LHFPL6: variants seen among roughly 807,000 people sequenced by gnomAD.
The protein encoded by LHFPL6 is LHFPL tetraspan subfamily member 6.
In LHFPL6, 9 loss-of-function variants were observed where a neutral mutation model predicts 20.6. The observed-to-expected ratio is 0.44, with a 90% CI of 0.26 to 0.76. The LOEUF (loss-of-function observed/expected upper bound fraction) is 0.76, where lower values mean the gene tolerates loss of function less well. LHFPL6 is among the 30% of genes least tolerant of loss of function. The probability of loss-of-function intolerance (pLI) is 0.20; values close to 1 mark genes in which losing one functional copy is unlikely to be tolerated. For missense variants in LHFPL6, 218 were observed against 253.5 expected (o/e 0.86, Z 0.95); for synonymous variants, 105 against 98.7 (o/e 1.06, Z -0.38).
chr13:39,367,140 G>A (rs1870034429), intron 3 of LHFPL6, among the ~76,000 whole-genome samples: 2 of 152,190 alleles, frequency 1.3e-5, no homozygotes, highest in South Asian at 2.1e-4. Flanking sequence ...TTTCACAGAT[G>A]TGATTTTGAA....
At chr13:39,434,216 T>C (rs1871893619) in intron 2 of LHFPL6, among the ~76,000 whole-genome samples, 1 of 152,234 alleles carries the variant, frequency 6.6e-6, no homozygotes, top group Admixed American at 6.5e-5. Flanking sequence ...ACATGTTGGG[T>C]ACTATATCAG....
chr13:39,512,604 A>AAAAAAAAAG (rs938837498), intron 2 of LHFPL6, among the ~76,000 whole-genome samples: 2 of 149,214 alleles, frequency 1.3e-5, no homozygotes, highest in African/African-American at 5.0e-5. Context: ...TCCGTCTCAA[A>AAAAAAAAAG]AAAAAAAAAA....
At chr13:39,438,597 T>A (rs1412039125) in intron 2 of LHFPL6, among the ~76,000 whole-genome samples, 1 of 152,222 alleles carries the variant, frequency 6.6e-6, no homozygotes, top group Non-Finnish European at 1.5e-5. Context: ...GCCCCTCCTA[T>A]CACAGGCCCA....
intron 3 of LHFPL6, among the ~76,000 whole-genome samples, chr13:39,364,960 T>C (rs920166428): frequency 4.6e-5 from 7 of 152,208 alleles, no homozygotes; most frequent in Middle Eastern, 3.2e-3. Context: ...GTTGGCTCAA[T>C]GTATAGTGGT....
At chr13:39,398,675 G>A (rs143066248) in intron 2 of LHFPL6, among the ~76,000 whole-genome samples, 26 of 152,292 alleles carry the variant, frequency 1.7e-4, no homozygotes, top group Non-Finnish European at 2.4e-4. Flanking sequence ...GCCACAGACC[G>A]CTACCAGTCC....
chr13:39,365,440 T>C (rs1284394466), intron 3 of LHFPL6, among the ~76,000 whole-genome samples: 1 of 152,168 alleles, frequency 6.6e-6, no homozygotes, highest in Non-Finnish European at 1.5e-5. Flanking sequence ...AGGTTTTCCT[T>C]GATGATCCCT....
chr13:39,400,781 T>TAAA, intron 2 of LHFPL6, among the ~76,000 whole-genome samples: 1 of 1,216 alleles, frequency 8.2e-4, no homozygotes, highest in East Asian at 0.033. Context: ...AGACTCCGTC[T>TAAA]CAAAAAAAAA....
At chr13:39,522,200 A>G (rs1870130028) in intron 2 of LHFPL6, among the ~76,000 whole-genome samples, 1 of 152,216 alleles carries the variant, frequency 6.6e-6, no homozygotes, top group South Asian at 2.1e-4. Context: ...TGCTTAACAA[A>G]TATTAATCCA....
At chr13:39,364,903 A>G (rs1197601702) in intron 3 of LHFPL6, among the ~76,000 whole-genome samples, 1 of 152,100 alleles carries the variant, frequency 6.6e-6, no homozygotes, top group East Asian at 1.9e-4. Flanking sequence ...ATCCATCCTA[A>G]AAGTTTCCTT....
Position 39,488,152 on chromosome 13 carries a change from G to A in LHFPL6, c.386-109626C>T, listed in dbSNP as rs113869718. ...AGAGGCTCCAGGGAGCATATTACCC[G>A]CATGTAAGGGCACAGTGAGAAGGCA... is the stretch of plus-strand genomic sequence containing the variant. On this transcript the variant is annotated intron_variant, in intron 2 of 3. Transcript: ENST00000379589. Among the ~76,000 whole-genome samples the A allele has an allele frequency of 2.8e-4, 43 of 152,202 alleles. 1 individual carries two copies. Among genetic ancestry groups the A allele is most frequent in the African/African-American group, 9.6e-4 (40 of 41,540 alleles).
At position 39,592,230 on chromosome 13, in the gene LHFPL6, T is replaced by TA. The variant is rs200553288; in HGVS notation, c.385+8601dup. 9.3e-3 allele frequency among the ~76,000 whole-genome samples: 1,414 copies of TA among 152,000 alleles called. 19 individuals are homozygous for TA. The highest frequency in any genetic ancestry group is 0.032 in the African/African-American group (1,339 of 41,446). Reference sequence around the variant, plus strand: ...AAGCTTTTTAGAAAAAAAAAGTATGTAAAAAACTAAACTGGTGACCATGAC... The same window carrying TA: ...AAGCTTTTTAGAAAAAAAAAGTATGTAAAAAAACTAAACTGGTGACCATGAC... On this transcript the variant is annotated intron_variant, in intron 2 of 3. Transcript: ENST00000379589.
At chr13:39,349,102 G>A (rs1388130500) in intron 3 of LHFPL6, among the ~76,000 whole-genome samples, 1 of 152,066 alleles carries the variant, frequency 6.6e-6, no homozygotes, top group Non-Finnish European at 1.5e-5. Flanking sequence ...AACTGGTTAA[G>A]GTCCAAAATG....
At chr13:39,424,828 T>A (rs1004804379) in intron 2 of LHFPL6, among the ~76,000 whole-genome samples, 1 of 152,136 alleles carries the variant, frequency 6.6e-6, no homozygotes, top group African/African-American at 2.4e-5. Flanking sequence ...TTAAAAGTAA[T>A]AGGGCAAAGA....
At chr13:39,347,080 CAAAAAAAAAAAA>C (rs11328909) in intron 3 of LHFPL6, among the ~76,000 whole-genome samples, 1 of 76,578 alleles carries the variant, frequency 1.3e-5, no homozygotes, top group East Asian at 3.9e-4. Context: ...ACTCTGTCTC[CAAAAAAAAAAAA>C]AAAAAAAAAA....
intron 2 of LHFPL6, among the ~76,000 whole-genome samples, chr13:39,596,766 A>C (rs1397925825): frequency 6.6e-6 from 1 of 152,212 alleles, no homozygotes; most frequent in Non-Finnish European, 1.5e-5. Context: ...ACAGAAAGCC[A>C]CTATGCCCAT....
At chr13:39,421,599 T>G (rs1871488628) in intron 2 of LHFPL6, among the ~76,000 whole-genome samples, 1 of 152,210 alleles carries the variant, frequency 6.6e-6, no homozygotes, top group African/African-American at 2.4e-5. Flanking sequence ...AATATTCAAA[T>G]GGCAAGATCC....
chr13:39,482,740 G>A lies in LHFPL6; in HGVS notation c.386-104214C>T, dbSNP rs551341910. Among the ~76,000 whole-genome samples the A allele has an allele frequency of 2.0e-5, 3 of 152,210 alleles. No individual in the cohort carries two copies. In the South Asian group the frequency reaches 6.2e-4, roughly 32 times the overall value. On this transcript the variant is annotated intron_variant, in intron 2 of 3. Transcript: ENST00000379589. Reference sequence around the variant, plus strand: ...TACCACTGGAGGAAGAGAGTAAGAGGGAAGCACAGACAGCAAATAAGAAAA... The same window carrying A: ...TACCACTGGAGGAAGAGAGTAAGAGAGAAGCACAGACAGCAAATAAGAAAA...
chr13:39,418,413 T>C (rs1185996610), intron 2 of LHFPL6, among the ~76,000 whole-genome samples: 1 of 140,480 alleles, frequency 7.1e-6, no homozygotes, highest in East Asian at 2.4e-4. Context: ...CAGAATGCCA[T>C]ATAACTAAAA....
At position 39,359,972 on chromosome 13, in the gene LHFPL6, A is replaced by G. The variant is rs547668262; in HGVS notation, c.485-15918T>C. ...GCCTCGATGTATGATGTTCTAGCTT[A>G]GAGTATTGGAGCCACTTCAACAGAA... is the stretch of plus-strand genomic sequence containing the variant. On this transcript the variant is annotated intron_variant, in intron 3 of 3. Coordinates refer to ENST00000379589, the MANE Select transcript of LHFPL6 (RefSeq NM_005780.3). 3.9e-5 allele frequency among the ~76,000 whole-genome samples: 6 copies of G among 152,290 alleles called. No homozygotes were observed. The East Asian group carries it at 1.2e-3, about 29-fold the overall frequency.
Sources: allele counts gnomAD v4.1 joint callset (sites outside exome capture counted in the v4.1 genomes callset), GRCh38; gene constraint gnomAD v4.1.1; transcripts MANE v1.5; gene names NCBI Gene and HGNC (gene_info 2026-07-23, HGNC 2026-07-21).